Variants in PCDHGA10 observed in about 807,000 individuals in gnomAD.
PCDHGA10 encodes the protein protocadherin gamma-A10.
PCDHGA10 carries 42 observed loss-of-function variants against 59.5 expected under a neutral mutation model. The ratio of observed to expected loss-of-function variants is 0.71; its 90% CI spans 0.55 to 0.91. PCDHGA10 has a LOEUF of 0.91. PCDHGA10 is among the 40% of genes least tolerant of loss of function. The pLI, the probability that PCDHGA10 is intolerant of heterozygous loss-of-function variation, is 0.00. For synonymous variants in PCDHGA10, 511 were observed against 517.2 expected (o/e 0.99, Z 0.16); for missense variants, 1,111 against 1,198.2 (o/e 0.93, Z 1.07).
intron 1 of PCDHGA10, among the ~76,000 whole-genome samples, chr5:141,461,968 C>A (rs2099027589): frequency 6.6e-6 from 1 of 152,204 alleles, no homozygotes; most frequent in African/African-American, 2.4e-5. Context: ...GGATTCCAGG[C>A]ATATGCCACC....
chr5:141,424,697 T>C (rs1467404367), intron 1 of PCDHGA10: 4 of 152,342 alleles, frequency 2.6e-5, no homozygotes, highest in South Asian at 4.1e-4. Context: ...GGCTATTTTT[T>C]TGTTCATTTT....
chr5:141,465,532 C>T (rs1175698109), intron 1 of PCDHGA10, among the ~76,000 whole-genome samples: 1 of 152,138 alleles, frequency 6.6e-6, no homozygotes, highest in Non-Finnish European at 1.5e-5. Flanking sequence ...GGAAGTTTTC[C>T]CAGGCATTTT....
At position 141,489,754 on chromosome 5, in the gene PCDHGA10, C is replaced by G; in HGVS notation, c.2437-5053C>G. 1 of 1,614,110 alleles carries G rather than the reference C, an allele frequency of 6.2e-7. No homozygotes were observed. The highest frequency in any genetic ancestry group is 8.5e-7 in the Non-Finnish European group (1 of 1,179,972). ...CACCAATACTGTGAGCTTTTACACT[C>G]TAAGCCCCAACAGCCACTTCTCTCT... On this transcript the variant is annotated intron_variant, in intron 1 of 3. Coordinates refer to ENST00000398610, the MANE Select transcript of PCDHGA10 (RefSeq NM_018913.3). The surrounding 1 kb of genome is among the most constrained non-coding windows in gnomAD (Gnocchi z 4.5).
chr5:141,498,994 AAGG>A (rs1310594976), intron 2 of PCDHGA10, among the ~76,000 whole-genome samples: 4 of 148,560 alleles, frequency 2.7e-5, no homozygotes, highest in Non-Finnish European at 4.5e-5. Flanking sequence ...GGAAGGAAGG[AAGG>A]AAGGAAGGAA....
chr5:141,448,720 C>T (rs545687728), intron 1 of PCDHGA10, among the ~76,000 whole-genome samples: 24 of 152,030 alleles, frequency 1.6e-4, no homozygotes, highest in African/African-American at 5.8e-4. Flanking sequence ...GCGGGAGGAT[C>T]ACGAGGTCAG....
chr5:141,485,338 T>C lies in PCDHGA10; in HGVS notation c.2437-9469T>C, dbSNP rs1259658641. The stretch of plus-strand genomic sequence containing the variant: ...ATGTCGCTCAAGATTTCCTGCTGGA[T>C]ACGGACAGTCTGTCAGCTCGCAGGC... On this transcript the variant is annotated intron_variant, in intron 1 of 3. Coordinates refer to ENST00000398610, the MANE Select transcript of PCDHGA10 (RefSeq NM_018913.3). The surrounding 1 kb of genome is among the most constrained non-coding windows in gnomAD (Gnocchi z 5.7). 1 of 1,614,140 alleles carries C rather than the reference T, an allele frequency of 6.2e-7. No individual in the cohort carries two copies. Among genetic ancestry groups the C allele is most frequent in the Non-Finnish European group, 8.5e-7 (1 of 1,180,006 alleles).
Position 141,489,384 on chromosome 5 carries a change from T to C in PCDHGA10, c.2437-5423T>C, listed in dbSNP as rs2099686499. The stretch of plus-strand genomic sequence containing the variant: ...AGCCGGGGACGCTGGTGGGGAATGT[T>C]GCTCAGGATCTGGGCTTAAAGATGA... On this transcript the variant is annotated intron_variant, in intron 1 of 3. Transcript: ENST00000398610. The surrounding 1 kb of genome is among the most constrained non-coding windows in gnomAD (Gnocchi z 4.5). 1 of 1,613,986 alleles carries C rather than the reference T, an allele frequency of 6.2e-7. No individual in the cohort carries two copies. The highest frequency in any genetic ancestry group is 8.5e-7 in the Non-Finnish European group (1 of 1,179,842).
In PCDHGA10 at chr5:141,431,913, T is replaced by C; in HGVS notation, c.2436+16302T>C. The C allele has an allele frequency of 6.2e-7, 1 of 1,614,140 alleles. No individual in the cohort carries two copies. Among genetic ancestry groups the C allele is most frequent in the Admixed American group, 1.7e-5 (1 of 60,034 alleles). On this transcript the variant is annotated intron_variant, in intron 1 of 3. Transcript: ENST00000398610. This position sits in a 1 kb window ranked among gnomAD's most constrained non-coding sequence, Gnocchi z 4.8. The stretch of plus-strand genomic sequence containing the variant: ...GAGGAAAACGGACAGGTGATCTGTT[T>C]CATCCAAGGAAATCTGCCCTTTAAA...
chr5:141,490,589 A>G lies in PCDHGA10; in HGVS notation c.2437-4218A>G, dbSNP rs761250654. On this transcript the variant is annotated intron_variant, in intron 1 of 3. Transcript: ENST00000398610. The surrounding 1 kb of genome is among the most constrained non-coding windows in gnomAD (Gnocchi z 5.4). ...CTCAACATTTCAGATGTCAATGACA[A>G]TGCACCCCGCTTCAACCAGCAGCTT... The G allele has an allele frequency of 5.7e-5, 92 of 1,614,042 alleles. No individual in the cohort carries two copies. Among genetic ancestry groups the G allele is most frequent in the Non-Finnish European group, 7.6e-5 (90 of 1,180,036 alleles).
Position 141,485,943 on chromosome 5 carries a change from C to A in PCDHGA10, c.2437-8864C>A, listed in dbSNP as rs750871245. The A allele has an allele frequency of 1.9e-6, 3 of 1,614,126 alleles. No individual in the cohort carries two copies. Among genetic ancestry groups the A allele is most frequent in the Non-Finnish European group, 1.7e-6 (2 of 1,180,012 alleles). ...ATTAGTGTGTTGGAGAGCGCACCAG[C>A]GGGCATGGTGCTCATCCAGCTCAAT... is the stretch of plus-strand genomic sequence containing the variant. On this transcript the variant is annotated intron_variant, in intron 1 of 3. Coordinates refer to ENST00000398610, the MANE Select transcript of PCDHGA10 (RefSeq NM_018913.3). The surrounding 1 kb of genome is among the most constrained non-coding windows in gnomAD (Gnocchi z 5.7).
At chr5:141,422,898 C>CTCTG (rs747261683) in intron 1 of PCDHGA10, 4 of 1,614,250 alleles carry the variant, frequency 2.5e-6, no homozygotes, top group Non-Finnish European at 3.4e-6. Flanking sequence ...TGGACCAGAA[C>CTCTG]GACAATGCGC....
At chr5:141,441,911 T>TGAG in intron 1 of PCDHGA10, 1 of 348,148 alleles carries the variant, frequency 2.9e-6, no homozygotes, top group Non-Finnish European at 5.5e-6. Context: ...GACGCAGATG[T>TGAG]GAGACACAAT....
chr5:141,439,212 T>G (rs1391791892), intron 1 of PCDHGA10, among the ~76,000 whole-genome samples: 1 of 150,642 alleles, frequency 6.6e-6, no homozygotes, highest in Non-Finnish European at 1.5e-5. Context: ...AAAATCCATA[T>G]GTGAAAATTC....
intron 1 of PCDHGA10, 147 bp downstream of exon 1, chr5:141,415,758 T>G (rs200061978): frequency 0.08 from 111,079 of 1,380,048 alleles, 1,979 homozygotes; most frequent in African/African-American, 0.17. Context: ...TTTTTTTTTT[T>G]TTTTTTTTTT....
At chr5:141,456,615 A>G (rs561978043) in intron 1 of PCDHGA10, among the ~76,000 whole-genome samples, 3 of 152,318 alleles carry the variant, frequency 2.0e-5, no homozygotes, top group East Asian at 3.9e-4. Flanking sequence ...AAGTCCCTGT[A>G]GATTTGCCTC....
chr5:141,423,693 G>T lies in PCDHGA10; in HGVS notation c.2436+8082G>T, dbSNP rs114008539. On this transcript the variant is annotated intron_variant, in intron 1 of 3. Transcript: ENST00000398610. ...TTATTTCTCTGCCTCCTAATTGTTG[G>T]TGTCTTGGCACAAGTCTTTTAAGGA... 910 of 1,396,244 alleles carry T rather than the reference G, an allele frequency of 6.5e-4. 7 individuals carry two copies. The African/African-American group carries it at 0.012, about 18-fold the overall frequency. 86.5% of individuals were successfully genotyped at this position (1,396,244 alleles called of 1,614,324 possible).
chr5:141,422,390 C>T, intron 1 of PCDHGA10: 1 of 1,591,016 alleles, frequency 6.3e-7, no homozygotes, highest in Non-Finnish European at 8.5e-7. Flanking sequence ...TGTTTTATTC[C>T]TAACCACCTG....
intron 1 of PCDHGA10, among the ~76,000 whole-genome samples, chr5:141,435,105 G>C (rs1046201852): frequency 2.6e-5 from 4 of 151,940 alleles, no homozygotes; most frequent in African/African-American, 9.7e-5. Flanking sequence ...TATCTAGGGG[G>C]GAGAAATCTA....
rs761831761 is a variant in PCDHGA10 at position 141,485,471 on chromosome 5, G to A, written c.2437-9336G>A. The A allele has an allele frequency of 4.3e-6, 7 of 1,614,144 alleles. No homozygotes were observed. The Admixed American group carries it at 5.0e-5, about 12-fold the overall frequency. On this transcript the variant is annotated intron_variant, in intron 1 of 3. Transcript: ENST00000398610. This position sits in a 1 kb window ranked among gnomAD's most constrained non-coding sequence, Gnocchi z 5.7. ...CCGAGAGGCACTGTGTGGGCTCAGT[G>A]CCAGCTGCATCGTGCCCCTGGAGTT...
Sources: allele counts gnomAD v4.1 joint callset (sites outside exome capture counted in the v4.1 genomes callset), GRCh38; gene constraint gnomAD v4.1.1; non-coding constraint Gnocchi (gnomAD v3.1); transcripts MANE v1.5; gene names NCBI Gene and HGNC (gene_info 2026-07-23, HGNC 2026-07-21).